Variants in ASCC3 observed in about 807,000 individuals in gnomAD.
ASCC3 encodes ASC-1 complex subunit P200.
ASCC3 carries 158 observed loss-of-function variants against 256.3 expected under a neutral mutation model. The ratio of observed to expected loss-of-function variants is 0.62; its 90% CI spans 0.54 to 0.70. ASCC3 has a LOEUF of 0.70. Among genes scored for constraint, ASCC3 ranks in the 30% least tolerant of loss-of-function variants. ASCC3 has a pLI of 0.00. For missense variants in ASCC3, 2,259 were observed against 2,626.0 expected (o/e 0.86, Z 3.05); for synonymous variants, 948 against 883.4 (o/e 1.07, Z -1.30).
intron 19 of ASCC3, 56 bp downstream of exon 19, chr6:100,651,504 A>T (rs553099790): frequency 9.9e-7 from 1 of 1,011,700 alleles, no homozygotes; most frequent in South Asian, 1.7e-5. Context: ...ACCTTTTATA[A>T]ATGAATGAAT....
At chr6:100,600,733 T>C (rs1313240565) in intron 34 of ASCC3, among the ~76,000 whole-genome samples, 1 of 152,128 alleles carries the variant, frequency 6.6e-6, no homozygotes, top group Non-Finnish European at 1.5e-5. Context: ...ATTCACTCTG[T>C]ATCTAAGGTC....
chr6:100,775,101 A>G (rs1304694251), intron 8 of ASCC3, among the ~76,000 whole-genome samples: 3 of 152,164 alleles, frequency 2.0e-5, no homozygotes, highest in Non-Finnish European at 4.4e-5. Flanking sequence ...ATGAGCATCA[A>G]ATTACTGAAT....
chr6:100,637,046 T>C (rs532992630), intron 25 of ASCC3, among the ~76,000 whole-genome samples: 6 of 152,320 alleles, frequency 3.9e-5, no homozygotes, highest in African/African-American at 1.2e-4. Flanking sequence ...AGTTTTAATG[T>C]ATACAAAATA....
At chr6:100,780,508 A>G (rs946027411) in intron 8 of ASCC3, among the ~76,000 whole-genome samples, 3 of 152,100 alleles carry the variant, frequency 2.0e-5, no homozygotes, top group African/African-American at 7.2e-5. Context: ...GGAGGCTAAA[A>G]TGGAAGGATT....
intron 24 of ASCC3, among the ~76,000 whole-genome samples, chr6:100,639,132 C>T (rs1774990277): frequency 6.6e-6 from 1 of 152,098 alleles, no homozygotes; most frequent in Non-Finnish European, 1.5e-5. Flanking sequence ...TAGAACAAAA[C>T]CTAAATCTGT....
chr6:100,612,256 G>C (rs903440418), intron 30 of ASCC3, among the ~76,000 whole-genome samples: 18 of 151,912 alleles, frequency 1.2e-4, no homozygotes, highest in Admixed American at 8.5e-4. Context: ...ATATAATTCA[G>C]TGAGTTGATG....
In ASCC3 at chr6:100,631,173, C is replaced by T; in HGVS notation, c.4163G>A (p.Arg1388Lys). The change falls in exon 26 of 42, where the codon AGA (arginine) becomes AAA (lysine). Residue 1388 changes from arginine (R) to lysine (K), a missense_variant. By Grantham distance (26) the Arg-to-Lys change is conservative. Around this residue, in one of 2 missense-constraint regions of ASCC3, gnomAD observed 1,839 missense variants for 2,206.7 expected, o/e 0.83. Coordinates refer to ENST00000369162, the MANE Select transcript of ASCC3 (RefSeq NM_006828.4). ...TATTCTAACTTTCCAATCATCCATT[C>T]TTTCACGTACTAGGGCTTTTAGGGG... ...IAPLKALVRE[R>K]MDDWKVRIEE... The T allele has an allele frequency of 1.2e-6, 2 of 1,612,584 alleles. No homozygotes were observed. The highest frequency in any genetic ancestry group is 1.3e-5 in the African/African-American group (1 of 74,954).
chr6:100,853,099 A>T (rs1228445857), intron 3 of ASCC3, among the ~76,000 whole-genome samples: 1 of 152,174 alleles, frequency 6.6e-6, no homozygotes, highest in African/African-American at 2.4e-5. Flanking sequence ...TTTATTATAA[A>T]TAATTTTCAA....
intron 13 of ASCC3, among the ~76,000 whole-genome samples, chr6:100,693,482 C>A (rs888688679): frequency 9.9e-5 from 15 of 151,916 alleles, no homozygotes; most frequent in Admixed American, 6.6e-4. Flanking sequence ...TGACTTTATA[C>A]CTGATTTGAG....
intron 30 of ASCC3, among the ~76,000 whole-genome samples, chr6:100,610,416 C>T: frequency 6.6e-6 from 1 of 151,794 alleles, no homozygotes; most frequent in East Asian, 1.9e-4. Context: ...ATTTTATTTT[C>T]ACTAGTCAGA....
At chr6:100,779,482 C>T (rs1037722197) in intron 8 of ASCC3, among the ~76,000 whole-genome samples, 4 of 152,144 alleles carry the variant, frequency 2.6e-5, no homozygotes, top group Non-Finnish European at 4.4e-5. Flanking sequence ...GGCTCCACTC[C>T]TCTATTGTTA....
At chr6:100,790,692 C>T (rs1769309292) in intron 8 of ASCC3, among the ~76,000 whole-genome samples, 1 of 151,902 alleles carries the variant, frequency 6.6e-6, no homozygotes, top group Non-Finnish European at 1.5e-5. Context: ...TGGGACAGTT[C>T]AATGTCTTTA....
At chr6:100,778,987 A>T (rs1460142435) in intron 8 of ASCC3, among the ~76,000 whole-genome samples, 1 of 152,140 alleles carries the variant, frequency 6.6e-6, no homozygotes, top group Non-Finnish European at 1.5e-5. Context: ...CCACATTAAC[A>T]TAAATATATA....
intron 37 of ASCC3, 79 bp from the exon 38 acceptor site, chr6:100,518,221 T>A: frequency 6.6e-7 from 1 of 1,505,212 alleles, no homozygotes; most frequent in Non-Finnish European, 9.2e-7. Flanking sequence ...ATGTTAGCTT[T>A]AACAAAAAAC....
At chr6:100,830,025 A>ACACGTCC (rs1771544460) in intron 4 of ASCC3, among the ~76,000 whole-genome samples, 1 of 152,044 alleles carries the variant, frequency 6.6e-6, no homozygotes, top group Non-Finnish European at 1.5e-5. Flanking sequence ...CCCAGGCAGG[A>ACACGTCC]CAGAGCAAGA....
chr6:100,510,203 T>C, intron 40 of ASCC3, 96 bp from the exon 41 acceptor site: 1 of 1,265,794 alleles, frequency 7.9e-7, no homozygotes, highest in Non-Finnish European at 1.1e-6. Flanking sequence ...TTGAAGGCCA[T>C]ACATCTACAT....
At chr6:100,808,315 A>G (rs1272415354) in intron 4 of ASCC3, among the ~76,000 whole-genome samples, 1 of 151,928 alleles carries the variant, frequency 6.6e-6, no homozygotes, top group African/African-American at 2.4e-5. Context: ...TGAGACCAAT[A>G]GATTTTCACA....
intron 10 of ASCC3, among the ~76,000 whole-genome samples, chr6:100,737,149 T>TAAA (rs10706135): frequency 7.0e-6 from 1 of 142,896 alleles, no homozygotes; most frequent in Non-Finnish European, 1.5e-5. Flanking sequence ...TCCGTCTATT[T>TAAA]AAAAAAAAAA....
intron 13 of ASCC3, among the ~76,000 whole-genome samples, chr6:100,703,642 T>C (rs1274290849): frequency 6.6e-6 from 1 of 151,972 alleles, no homozygotes; most frequent in African/African-American, 2.4e-5. Flanking sequence ...CATTATATTC[T>C]ACTAGAAATT....
Sources: allele counts gnomAD v4.1 joint callset (sites outside exome capture counted in the v4.1 genomes callset), GRCh38; gene constraint gnomAD v4.1.1; regional missense constraint gnomAD v4.1.1; transcripts MANE v1.5; gene names NCBI Gene and HGNC (gene_info 2026-07-23, HGNC 2026-07-21).